The following KLF12 variants were observed in gnomAD, a reference collection of about 807,000 sequenced individuals.
KLF12 encodes the protein KLF transcription factor 12, also known as Krueppel-like factor 12.
A neutral mutation model predicts 37.8 loss-of-function variants in KLF12; 9 were observed. That is an observed-to-expected ratio of 0.24 (90% CI 0.14 to 0.42). The LOEUF (loss-of-function observed/expected upper bound fraction) is 0.42, where lower values mean the gene tolerates loss of function less well. KLF12 is among the 10% of genes least tolerant of loss of function. The probability of loss-of-function intolerance (pLI) is 1.00; values close to 1 mark genes in which losing one functional copy is unlikely to be tolerated. For synonymous variants in KLF12, 208 were observed against 202.1 expected (o/e 1.03, Z -0.25); for missense variants, 411 against 516.0 (o/e 0.80, Z 1.97).
At chr13:74,003,181 C>T (rs1032788907) in intron 1 of KLF12, among the ~76,000 whole-genome samples, 6 of 151,994 alleles carry the variant, frequency 3.9e-5, no homozygotes, top group East Asian at 1.9e-4. Context: ...GGTGAAAGAA[C>T]GGAGTATAGT....
At chr13:73,702,329 TAA>T (rs1398219532) in intron 7 of KLF12, among the ~76,000 whole-genome samples, 1 of 152,098 alleles carries the variant, frequency 6.6e-6, no homozygotes, top group Non-Finnish European at 1.5e-5. Context: ...GAAGGCAGAA[TAA>T]AGTCTAAAGA....
At chr13:73,771,181 T>C (rs775662398) in intron 5 of KLF12, among the ~76,000 whole-genome samples, 9 of 152,158 alleles carry the variant, frequency 5.9e-5, no homozygotes, top group Non-Finnish European at 1.3e-4. Context: ...GTACTTAGCA[T>C]GGGTTAACTC....
intron 3 of KLF12, among the ~76,000 whole-genome samples, chr13:73,904,662 C>T (rs961454015): frequency 2.6e-5 from 4 of 151,856 alleles, no homozygotes; most frequent in East Asian, 3.9e-4. Context: ...CATTTTATTA[C>T]GAGACTATCA....
chr13:74,225,541 T>C, the KLF12 span, among the ~76,000 whole-genome samples: 1 of 152,226 alleles, frequency 6.6e-6, no homozygotes, highest in East Asian at 1.9e-4. Context: ...TTGTATAGTA[T>C]CCAATAGTGA....
intron 5 of KLF12, among the ~76,000 whole-genome samples, chr13:73,776,341 G>A (rs950800666): frequency 6.6e-6 from 1 of 152,156 alleles, no homozygotes; most frequent in African/African-American, 2.4e-5. Flanking sequence ...GAACTTCAAG[G>A]CAAAGAAGCC....
At chr13:74,297,458 A>G in the KLF12 span, among the ~76,000 whole-genome samples, 1 of 152,230 alleles carries the variant, frequency 6.6e-6, no homozygotes. Flanking sequence ...TGCTTTGTTC[A>G]GGAAGTATCT....
At position 74,049,319 on chromosome 13, in the gene KLF12, C is replaced by T. The variant is rs1476878128; in HGVS notation, c.-31-54266G>A. 2.0e-5 allele frequency among the ~76,000 whole-genome samples: 3 copies of T among 152,188 alleles called. No individual in the cohort carries two copies. In the East Asian group the frequency reaches 5.8e-4, roughly 29 times the overall value. ...CCTGGTCTACAATGGTAGGCAGAAG[C>T]TTGAAAGGTTTTTCTATGGAAGACC... On this transcript the variant is annotated intron_variant, in intron 1 of 7. Transcript: ENST00000377669.
the KLF12 span, among the ~76,000 whole-genome samples, chr13:74,169,894 G>A: frequency 1.3e-5 from 2 of 152,228 alleles, no homozygotes; most frequent in African/African-American, 4.8e-5. Flanking sequence ...CAGAAAAGCA[G>A]CTGTGTTACA....
intron 4 of KLF12, among the ~76,000 whole-genome samples, chr13:73,826,569 A>C (rs771014635): frequency 2.6e-5 from 4 of 152,186 alleles, no homozygotes; most frequent in Non-Finnish European, 5.9e-5. Context: ...TTTCTTTTAG[A>C]TCATTAAGTT....
the KLF12 span, among the ~76,000 whole-genome samples, chr13:74,273,631 A>G: frequency 1.3e-5 from 2 of 152,082 alleles, no homozygotes; most frequent in Non-Finnish European, 2.9e-5. Flanking sequence ...TAATAATCAT[A>G]ATAAACCTGA....
chr13:74,131,466 A>C lies in KLF12; in HGVS notation c.-32+2273T>G, dbSNP rs530037500. Among the ~76,000 whole-genome samples the C allele has an allele frequency of 3.9e-4, 59 of 152,356 alleles. 1 individual carries two copies. The highest frequency in any genetic ancestry group is 1.4e-3 in the African/African-American group (58 of 41,572). ...CTGTAGTAAACAACCACCAGCCAAG[A>C]GTTGCTAAGGTCAAGGTCTCAAATG... On this transcript the variant is annotated intron_variant, in intron 1 of 7. Transcript: ENST00000377669.
chr13:73,941,152 C>A (rs1413016464), intron 3 of KLF12, among the ~76,000 whole-genome samples: 2 of 152,184 alleles, frequency 1.3e-5, no homozygotes, highest in Non-Finnish European at 2.9e-5. Flanking sequence ...TACATTCCAA[C>A]CAATGTACCA....
chr13:73,740,110 G>A (rs1490624750), intron 6 of KLF12, among the ~76,000 whole-genome samples: 1 of 152,160 alleles, frequency 6.6e-6, no homozygotes, highest in Admixed American at 6.5e-5. Flanking sequence ...AATTTTCACA[G>A]CAAGAACACA....
At chr13:74,051,290 C>A (rs1872903287) in intron 1 of KLF12, among the ~76,000 whole-genome samples, 1 of 151,046 alleles carries the variant, frequency 6.6e-6, no homozygotes, top group African/African-American at 2.4e-5. Context: ...AACTGTCCAT[C>A]AATGGATGAA....
At chr13:74,207,803 G>A in the KLF12 span, among the ~76,000 whole-genome samples, 1 of 152,168 alleles carries the variant, frequency 6.6e-6, no homozygotes, top group South Asian at 2.1e-4. Context: ...ATGCTTATTT[G>A]ACTGTTGCGT....
chr13:73,744,587 G>A (rs1156822029), intron 6 of KLF12, among the ~76,000 whole-genome samples: 1 of 151,814 alleles, frequency 6.6e-6, no homozygotes, highest in Non-Finnish European at 1.5e-5. Flanking sequence ...GTTGTGGGGG[G>A]TGGCAGCAAC....
At chr13:73,985,076 C>T (rs1272442165) in intron 2 of KLF12, among the ~76,000 whole-genome samples, 1 of 152,224 alleles carries the variant, frequency 6.6e-6, no homozygotes, top group Non-Finnish European at 1.5e-5. Flanking sequence ...TTAAGGAAGC[C>T]TTGGCCACAT....
chr13:73,937,984 A>G (rs938931593), intron 3 of KLF12, among the ~76,000 whole-genome samples: 4 of 152,216 alleles, frequency 2.6e-5, no homozygotes, highest in South Asian at 2.1e-4. Flanking sequence ...CCAGGTAGTG[A>G]CATGCAAAGA....
At chr13:73,953,974 T>C (rs970402901) in intron 2 of KLF12, among the ~76,000 whole-genome samples, 4 of 11,794 alleles carry the variant, frequency 3.4e-4, no homozygotes, top group Admixed American at 8.8e-4. Context: ...TTCTTTCTTT[T>C]TTTTTTTTTT....
Sources: gnomAD v4.1 joint callset for allele counts (sites outside exome capture counted in the v4.1 genomes callset) on GRCh38, gnomAD v4.1.1 for gene constraint, MANE v1.5 for transcripts, NCBI Gene and HGNC (gene_info 2026-07-23, HGNC 2026-07-21) for gene names.